ELP3: variants seen among roughly 807,000 people sequenced by gnomAD.
The protein encoded by ELP3 is elongator complex protein 3.
Under a neutral mutation model 74.9 loss-of-function variants are expected in ELP3, and 56 were observed. The ratio of observed to expected loss-of-function variants is 0.75; its 90% CI spans 0.60 to 0.93. The LOEUF (loss-of-function observed/expected upper bound fraction) is 0.93. ELP3 is among the 40% of genes least tolerant of loss of function. The probability of loss-of-function intolerance (pLI) is 0.00; values close to 1 mark genes in which losing one functional copy is unlikely to be tolerated. For missense variants in ELP3, 573 were observed against 686.5 expected (o/e 0.83, Z 1.85); for synonymous variants, 222 against 239.8 (o/e 0.93, Z 0.68).
At chr8:28,093,321 C>T (rs1811118893) in intron 1 of ELP3, 88 bp downstream of exon 1, 2 of 1,552,158 alleles carry the variant, frequency 1.3e-6, no homozygotes, top group African/African-American at 1.3e-5. Context: ...ACTTTTACCG[C>T]GAGAATCCGC....
intron 14 of ELP3, among the ~76,000 whole-genome samples, chr8:28,185,904 C>G (rs1463903919): frequency 5.9e-5 from 9 of 152,090 alleles, no homozygotes; most frequent in African/African-American, 2.2e-4. Flanking sequence ...AGAATTACTC[C>G]GAATTCTGAT....
At chr8:28,189,623 C>T (rs773548766) in intron 14 of ELP3, 26 bp from the exon 15 acceptor site, 2 of 1,613,288 alleles carry the variant, frequency 1.2e-6, no homozygotes, top group South Asian at 1.1e-5. Flanking sequence ...GTGAATGCTC[C>T]TTTTTTAACT....
chr8:28,127,582 A>G (rs1260645608), intron 7 of ELP3, among the ~76,000 whole-genome samples: 2 of 152,000 alleles, frequency 1.3e-5, no homozygotes, highest in Non-Finnish European at 2.9e-5. Context: ...CCAATAATTG[A>G]TGCTGGAGGA....
intron 10 of ELP3, among the ~76,000 whole-genome samples, chr8:28,146,171 T>G (rs1011083058): frequency 5.3e-5 from 8 of 152,160 alleles, no homozygotes; most frequent in African/African-American, 1.9e-4. Flanking sequence ...TGAAGCAGCA[T>G]CCTAATAGAA....
chr8:28,180,540 G>GTGA (rs1404253031), intron 14 of ELP3, among the ~76,000 whole-genome samples: 1 of 152,232 alleles, frequency 6.6e-6, no homozygotes, highest in Non-Finnish European at 1.5e-5. Context: ...TCTGTGTCAC[G>GTGA]TGATGTCACA....
At position 28,099,882 on chromosome 8, in the gene ELP3, G is replaced by T. The variant is rs528887963; in HGVS notation, c.174G>T (p.Val58=). ...KYGLSAQPRL[V]DIIAAVPPQY... is the part of the protein sequence containing the mutation. ...GCCTTTCTGCCCAGCCCCGCCTGGT[G>T]GATATCATTGCTGCCGTCCCTCCTC... Residue 58 remains valine, a synonymous_variant, in exon 3 of 15, where the codon GTG becomes GTT. Coordinates refer to ENST00000256398, the MANE Select transcript of ELP3 (RefSeq NM_018091.6). The T allele has an allele frequency of 3.1e-6, 5 of 1,614,224 alleles. No homozygotes were observed. In the African/African-American group the frequency reaches 6.7e-5, roughly 22 times the overall value.
chr8:28,093,304 G>A, intron 1 of ELP3, 71 bp downstream of exon 1: 1 of 1,591,926 alleles, frequency 6.3e-7, no homozygotes, highest in Non-Finnish European at 8.5e-7. Context: ...ATCAAATGCT[G>A]AACCGAACTT....
At chr8:28,097,843 G>C (rs771852643) in intron 2 of ELP3, among the ~76,000 whole-genome samples, 1 of 152,174 alleles carries the variant, frequency 6.6e-6, no homozygotes, top group African/African-American at 2.4e-5. Context: ...CTGTGAGATA[G>C]GTACTGATAC....
At chr8:28,166,483 T>G (rs1001230901) in intron 14 of ELP3, among the ~76,000 whole-genome samples, 1 of 152,258 alleles carries the variant, frequency 6.6e-6, no homozygotes, top group Non-Finnish European at 1.5e-5. Context: ...ATTTGCCAGC[T>G]TAATCCATAT....
At chr8:28,106,539 C>CAAAAAAAAAAAAAAAAAAAAAAAAA (rs61714722) in intron 3 of ELP3, among the ~76,000 whole-genome samples, 174 bp from the exon 4 acceptor site, 1 of 112,698 alleles carries the variant, frequency 8.9e-6, no homozygotes, top group Non-Finnish European at 2.1e-5. Flanking sequence ...GACTCCGTCT[C>CAAAAAAAAAAAAAAAAAAAAAAAAA]AAAAAAAAAA....
rs190699022 is a variant in ELP3 at position 28,173,945 on chromosome 8, G to A, written c.1567+11867G>A. Among the ~76,000 whole-genome samples, 175 of 152,038 alleles carry A rather than the reference G, an allele frequency of 1.2e-3. 2 individuals carry two copies. Among genetic ancestry groups the A allele is most frequent in the Non-Finnish European group, 1.5e-3 (103 of 67,868 alleles). ...TGTTATTCTAGTTTCATTTCTTTGT[G>A]ATCAGAAAAGGCATTTTATATAATT... On this transcript the variant is annotated intron_variant, in intron 14 of 14. Coordinates refer to ENST00000256398, the MANE Select transcript of ELP3 (RefSeq NM_018091.6).
intron 7 of ELP3, among the ~76,000 whole-genome samples, chr8:28,116,738 C>T (rs1447746142): frequency 2.0e-5 from 3 of 151,710 alleles, no homozygotes; most frequent in African/African-American, 7.3e-5. Context: ...GACTGTGTCT[C>T]AAAAAACAAA....
chr8:28,097,648 G>A (rs1198721230), intron 2 of ELP3, among the ~76,000 whole-genome samples: 3 of 151,972 alleles, frequency 2.0e-5, no homozygotes, highest in African/African-American at 7.2e-5. Flanking sequence ...TGCCCACCTC[G>A]GCCTCCCAAA....
At chr8:28,130,987 A>T (rs1257841472) in intron 8 of ELP3, among the ~76,000 whole-genome samples, 1 of 152,204 alleles carries the variant, frequency 6.6e-6, no homozygotes, top group East Asian at 1.9e-4. Flanking sequence ...ATAAAGCTAC[A>T]ATGTGATGGA....
At chr8:28,158,453 G>T in intron 11 of ELP3, 115 bp from the exon 12 acceptor site, 1 of 737,898 alleles carries the variant, frequency 1.4e-6, no homozygotes, top group East Asian at 2.6e-5. Context: ...ACTTAATTTT[G>T]AGCCCAGGGT....
At chr8:28,189,294 C>G (rs7833735) in intron 14 of ELP3, among the ~76,000 whole-genome samples, 107,272 of 152,190 alleles carry the variant, frequency 0.7, 38,227 homozygotes, top group African/African-American at 0.75. Flanking sequence ...TCCACCTCTT[C>G]TCCTTCACCT....
intron 1 of ELP3, among the ~76,000 whole-genome samples, chr8:28,094,195 T>G (rs1204940731): frequency 6.6e-6 from 1 of 152,246 alleles, no homozygotes; most frequent in Non-Finnish European, 1.5e-5. Context: ...CAGGATTCTT[T>G]TAGTTTCTTC....
At chr8:28,164,343 C>T (rs1814222973) in intron 14 of ELP3, among the ~76,000 whole-genome samples, 1 of 152,206 alleles carries the variant, frequency 6.6e-6, no homozygotes, top group African/African-American at 2.4e-5. Context: ...AATAATAGCT[C>T]AATTTCAGAT....
At chr8:28,112,834 G>A (rs1324959188) in intron 6 of ELP3, 185 bp from the exon 7 acceptor site, 2 of 419,224 alleles carry the variant, frequency 4.8e-6, no homozygotes, top group Non-Finnish European at 8.4e-6. Context: ...TATTTGAGTT[G>A]TACTCACTTT....
Sources: allele counts gnomAD v4.1 joint callset (sites outside exome capture counted in the v4.1 genomes callset), GRCh38; gene constraint gnomAD v4.1.1; transcripts MANE v1.5; gene names NCBI Gene and HGNC (gene_info 2026-07-23, HGNC 2026-07-21).